Variants in ADCY3 observed in about 807,000 individuals in gnomAD.
The protein encoded by ADCY3 is adenylate cyclase 3, also known as adenylate cyclase type 3.
Under a neutral mutation model 119.4 loss-of-function variants are expected in ADCY3, and 70 were observed. The ratio of observed to expected loss-of-function variants is 0.59; its 90% CI spans 0.48 to 0.72. The LOEUF is 0.72. Among genes scored for constraint, ADCY3 ranks in the 30% least tolerant of loss-of-function variants. The pLI, the probability that ADCY3 is intolerant of heterozygous loss-of-function variation, is 0.00. For synonymous variants in ADCY3, 672 were observed against 621.4 expected, an observed-to-expected ratio of 1.08 and a Z score of -1.21; for missense variants, 1,238 against 1,541.6, an observed-to-expected ratio of 0.80 and a Z score of 3.30.
intron 2 of ADCY3, among the ~76,000 whole-genome samples, chr2:24,891,962 G>T (rs1677710601): frequency 6.6e-6 from 1 of 152,184 alleles, no homozygotes; most frequent in Non-Finnish European, 1.5e-5. Context: ...ATCCACTGGG[G>T]ATCCTGGAAC....
rs1664846094 is a variant in ADCY3, at chr2:24,919,376, TCCTGTC to T, written c.-197-198_-197-193del. On this transcript the variant is annotated intron_variant, in intron 1 of 21. Transcript: ENST00000679454. The surrounding 1 kb of genome is among the most constrained non-coding windows in gnomAD (Gnocchi z 5.5). ...TCCTGTCCACGCCAGACACTCAATT[TCCTGTC>T]CCTGGCTTGTGGAAGGGCCTAGCCG... 1 of 190,286 alleles carries T rather than the reference TCCTGTC, an allele frequency of 5.3e-6. No individual in the cohort carries two copies. Among genetic ancestry groups the T allele is most frequent in the Non-Finnish European group, 1.1e-5 (1 of 91,732 alleles). 11.8% of individuals were successfully genotyped at this position (190,286 alleles called of 1,614,324 possible). A position where few individuals can be genotyped will look rare whatever the true frequency, so the allele number is the denominator to read the frequency against.
Position 24,836,922 on chromosome 2 carries a change from C to T in ADCY3, c.1657G>A (p.Ala553Thr), listed in dbSNP as rs1670391095. 6.2e-7 allele frequency: 1 copy of T among 1,612,106 alleles called. No individual in the cohort carries two copies. The stretch of plus-strand genomic sequence containing the variant: ...GCCCTGAGCCCTGCACATACCTGGG[C>T]ATCCTGCTCCTCGGGCTTCTCCGAC... ...STSEKPEEQD[A>T]QADNPSFPNP... is the part of the protein sequence containing the mutation. Residue 553 changes from alanine to threonine, a missense_variant, in exon 9 of 22, where the codon GCC (alanine) becomes ACC (threonine). Ala to Thr is a moderately conservative substitution (Grantham distance 58). Transcript: ENST00000679454.
intron 3 of ADCY3, among the ~76,000 whole-genome samples, chr2:24,863,755 G>A (rs1363045690): frequency 6.6e-6 from 1 of 152,190 alleles, no homozygotes; most frequent in South Asian, 2.1e-4. Context: ...GAAAGCAAAG[G>A]AACTCTTCCA....
At chr2:24,823,849 G>A (rs1022487218) in intron 17 of ADCY3, among the ~76,000 whole-genome samples, 8 of 152,164 alleles carry the variant, frequency 5.3e-5, no homozygotes, top group East Asian at 1.9e-4. Context: ...GCACCACCGC[G>A]TCCAGTTAAT....
At chr2:24,890,860 A>G in intron 2 of ADCY3, among the ~76,000 whole-genome samples, 1 of 151,422 alleles carries the variant, frequency 6.6e-6, no homozygotes, top group African/African-American at 2.4e-5. Context: ...AGCTTCCATC[A>G]CAGACTTTAG....
At chr2:24,823,127 C>A (rs916682095) in intron 18 of ADCY3, 82 bp downstream of exon 18, 6 of 1,490,828 alleles carry the variant, frequency 4.0e-6, no homozygotes, top group African/African-American at 2.8e-5. Context: ...GCCAGTTTCT[C>A]TGGCCTCTGC....
chr2:24,820,030 C>CCCCCTT lies in ADCY3; in HGVS notation c.3331_3336dup (p.Lys1111_Gly1112dup). 6.2e-7 allele frequency: 1 copy of CCCCCTT among 1,609,304 alleles called. No individual in the cohort carries two copies. The highest frequency in any genetic ancestry group is 1.7e-5 in the Admixed American group (1 of 59,098). On this transcript the variant is annotated inframe_insertion, in exon 22 of 22. Coordinates refer to ENST00000679454, the MANE Select transcript of ADCY3 (RefSeq NM_004036.5). The stretch of plus-strand genomic sequence containing the variant: ...CCCTTCAAGAAGAAGGTCAGCAGCT[C>CCCCCTT]CCCCTTCCCCTTCACAAAGATGGGG...
At chr2:24,910,111 A>C (rs1237817743) in intron 2 of ADCY3, among the ~76,000 whole-genome samples, 1 of 152,226 alleles carries the variant, frequency 6.6e-6, no homozygotes, top group African/African-American at 2.4e-5. Flanking sequence ...CAGGTGGACA[A>C]ATGAGTGACC....
chr2:24,820,914 T>C, intron 20 of ADCY3, 66 bp from the exon 21 acceptor site: 1 of 1,591,002 alleles, frequency 6.3e-7, no homozygotes, highest in African/African-American at 1.3e-5. Context: ...TCAGAAGCCA[T>C]CTCCTCTCCA....
intron 2 of ADCY3, among the ~76,000 whole-genome samples, chr2:24,906,836 G>A (rs890231513): frequency 6.6e-6 from 1 of 152,200 alleles, no homozygotes; most frequent in African/African-American, 2.4e-5. Context: ...TGTCTTATAA[G>A]AATCAGGCTC....
chr2:24,890,261 T>C (rs1677514278), intron 2 of ADCY3, among the ~76,000 whole-genome samples: 1 of 152,228 alleles, frequency 6.6e-6, no homozygotes, highest in Non-Finnish European at 1.5e-5. Context: ...TACATGTGCA[T>C]GAGGGATATT....
chr2:24,883,075 C>A (rs901085414), intron 2 of ADCY3, among the ~76,000 whole-genome samples: 5 of 151,080 alleles, frequency 3.3e-5, no homozygotes, highest in African/African-American at 1.2e-4. Flanking sequence ...AAGGGCCAGG[C>A]GCGGTGGCTC....
intron 3 of ADCY3, among the ~76,000 whole-genome samples, chr2:24,849,746 G>A (rs1388036367): frequency 1.3e-4 from 20 of 152,156 alleles, no homozygotes; most frequent in African/African-American, 2.4e-5. Context: ...CCTGACAGAG[G>A]GGAAAGGAGG....
At chr2:24,821,783 C>T in intron 19 of ADCY3, 143 bp from the exon 20 acceptor site, 1 of 1,253,742 alleles carries the variant, frequency 8.0e-7, no homozygotes, top group Admixed American at 2.3e-5. Flanking sequence ...AAAGGAGTCG[C>T]AGCCACGCTA....
chr2:24,857,921 C>T (rs1335263734), intron 3 of ADCY3, among the ~76,000 whole-genome samples: 3 of 151,802 alleles, frequency 2.0e-5, no homozygotes, highest in African/African-American at 7.3e-5. Flanking sequence ...GTGTTGCCCA[C>T]ACTAGAATCT....
intron 2 of ADCY3, among the ~76,000 whole-genome samples, chr2:24,887,172 C>A (rs1310223178): frequency 6.6e-6 from 1 of 152,164 alleles, no homozygotes; most frequent in Non-Finnish European, 1.5e-5. Flanking sequence ...CACAAAGCAG[C>A]AGGAAGACGT....
At chr2:24,891,770 A>C (rs1404775428) in intron 2 of ADCY3, among the ~76,000 whole-genome samples, 1 of 152,158 alleles carries the variant, frequency 6.6e-6, no homozygotes, top group Non-Finnish European at 1.5e-5. Context: ...AAAAGGTATT[A>C]AGTTTGTGGG....
chr2:24,841,685 C>A lies in ADCY3; in HGVS notation c.957-18G>T. On this transcript the variant is annotated intron_variant, in intron 4 of 21. Transcript: ENST00000679454. The surrounding 1 kb of genome is among the most constrained non-coding windows in gnomAD (Gnocchi z 5.8). ...AGAGGATGCTGCATGAGGAAGGAAC[C>A]GTGGGGGTGACGCTCCAGGCAGCCA... 1 of 1,602,808 alleles carries A rather than the reference C, an allele frequency of 6.2e-7. No individual in the cohort carries two copies. The highest frequency in any genetic ancestry group is 2.2e-5 in the East Asian group (1 of 44,780).
chr2:24,900,547 T>C (rs1353776154), intron 2 of ADCY3, among the ~76,000 whole-genome samples: 1 of 152,012 alleles, frequency 6.6e-6, no homozygotes. Flanking sequence ...GTGAGCAGCC[T>C]GGGCAAACAG....
Sources: allele counts gnomAD v4.1 joint callset (sites outside exome capture counted in the v4.1 genomes callset), GRCh38; gene constraint gnomAD v4.1.1; non-coding constraint Gnocchi (gnomAD v3.1); transcripts MANE v1.5; gene names NCBI Gene and HGNC (gene_info 2026-07-23, HGNC 2026-07-21).